Variants in BICDL1 observed in about 807,000 individuals in gnomAD.
The protein encoded by BICDL1 is BICD family-like cargo adapter 1.
A neutral mutation model predicts 76.8 loss-of-function variants in BICDL1; 20 were observed. That is an observed-to-expected ratio of 0.26 (90% confidence interval 0.18 to 0.38). The LOEUF is 0.38. Ranked by LOEUF, BICDL1 falls within the 10% of genes least tolerant of loss-of-function variation. BICDL1 has a pLI of 1.00. For missense variants in BICDL1, 700 were observed against 798.6 expected, an observed-to-expected ratio of 0.88 and a Z score of 1.49; for synonymous variants, 383 against 337.1, an observed-to-expected ratio of 1.14 and a Z score of -1.49.
intron 2 of BICDL1, among the ~76,000 whole-genome samples, chr12:120,031,832 C>G (rs145573190): frequency 8.6e-4 from 131 of 152,284 alleles, no homozygotes; most frequent in African/African-American, 3.1e-3. Flanking sequence ...TGGCTCACAC[C>G]TGTAATCCCA....
intron 8 of BICDL1, among the ~76,000 whole-genome samples, chr12:120,083,629 GTATTTATTTATT>G (rs10566467): frequency 0.027 from 3,869 of 145,172 alleles, 104 homozygotes; most frequent in Middle Eastern, 0.081. Context: ...ATTAATAGTA[GTATTTATTTATT>G]TATTTATTTA....
chr12:119,993,965 A>T (rs879824854), intron 1 of BICDL1, among the ~76,000 whole-genome samples: 1 of 152,158 alleles, frequency 6.6e-6, no homozygotes, highest in Non-Finnish European at 1.5e-5. Context: ...TTTCATCTAC[A>T]ATTAGCCGTT....
In BICDL1 at chr12:120,094,345, G is replaced by A. The variant is rs1356108068; in HGVS notation, c.*1184G>A. 3 of 453,568 alleles carry A rather than the reference G, an allele frequency of 6.6e-6. No homozygotes were observed. Among genetic ancestry groups the A allele is most frequent in the Admixed American group, 4.8e-5 (2 of 41,962 alleles). 28.1% of individuals were successfully genotyped at this position (453,568 alleles called of 1,614,324 possible). A position where few individuals can be genotyped will look rare whatever the true frequency, so the allele number is the denominator to read the frequency against. On this transcript the variant is annotated 3_prime_UTR_variant, in exon 10 of 10. Coordinates refer to ENST00000548673, the MANE Select transcript of BICDL1 (RefSeq NM_001367886.1). Reference sequence around the variant, plus strand: ...GTAGATGTGTACATACCACAGTGCTGTAATTTTGTATGTAGCAATCATGTA... The same window carrying A: ...GTAGATGTGTACATACCACAGTGCTATAATTTTGTATGTAGCAATCATGTA...
chr12:120,057,000 T>G (rs1952988798), intron 2 of BICDL1: 2 of 490,630 alleles, frequency 4.1e-6, no homozygotes, highest in Admixed American at 4.1e-5. Flanking sequence ...AGCCCAGTGG[T>G]CCTCTCGCCC....
At chr12:120,064,281 G>T (rs532789703) in intron 3 of BICDL1, among the ~76,000 whole-genome samples, 1 of 152,244 alleles carries the variant, frequency 6.6e-6, no homozygotes, top group Non-Finnish European at 1.5e-5. Context: ...GGGGAATCCC[G>T]GGGTGTGAAA....
At chr12:120,072,989 G>A (rs1873228981) in intron 6 of BICDL1, among the ~76,000 whole-genome samples, 1 of 152,168 alleles carries the variant, frequency 6.6e-6, no homozygotes. Context: ...TCGTGCCTCA[G>A]CTCCCTGAGT....
chr12:120,017,447 G>A (rs1219311371), intron 2 of BICDL1, among the ~76,000 whole-genome samples: 1 of 152,128 alleles, frequency 6.6e-6, no homozygotes, highest in Admixed American at 6.5e-5. Flanking sequence ...TCTGTAAAAT[G>A]GAGACCTGCC....
chr12:120,050,353 A>G (rs1312967132), intron 2 of BICDL1, among the ~76,000 whole-genome samples: 9 of 145,072 alleles, frequency 6.2e-5, no homozygotes, highest in Admixed American at 1.4e-4. Context: ...TGCAAGCTAC[A>G]CCTCCTGGGT....
chr12:120,006,956 C>A (rs1951861998), intron 2 of BICDL1, among the ~76,000 whole-genome samples: 1 of 151,950 alleles, frequency 6.6e-6, no homozygotes, highest in Non-Finnish European at 1.5e-5. Flanking sequence ...GAAGCGACTC[C>A]CCAGGTAGAG....
chr12:120,009,110 C>T (rs144121366), intron 2 of BICDL1, among the ~76,000 whole-genome samples: 3,520 of 152,148 alleles, frequency 0.023, 143 homozygotes, highest in African/African-American at 0.081. Flanking sequence ...GCCTCAGCGT[C>T]CCGAGTAGCT....
At chr12:120,062,133 C>T (rs774700788) in intron 3 of BICDL1, among the ~76,000 whole-genome samples, 4 of 152,164 alleles carry the variant, frequency 2.6e-5, no homozygotes, top group Non-Finnish European at 5.9e-5. Context: ...TTTCTCTATT[C>T]CATTTAGGCC....
chr12:119,996,818 C>T (rs1322908706), intron 1 of BICDL1, among the ~76,000 whole-genome samples: 1 of 152,158 alleles, frequency 6.6e-6, no homozygotes, highest in East Asian at 1.9e-4. Flanking sequence ...ATCAAAAGTT[C>T]AGGACCATCA....
At chr12:120,017,555 C>G (rs1299135150) in intron 2 of BICDL1, among the ~76,000 whole-genome samples, 1 of 151,942 alleles carries the variant, frequency 6.6e-6, no homozygotes, top group Non-Finnish European at 1.5e-5. Context: ...CATAGCAAGA[C>G]CCGTCTCTGC....
At chr12:120,092,921 G>A in intron 9 of BICDL1, 79 bp from the exon 10 acceptor site, 1 of 1,483,974 alleles carries the variant, frequency 6.7e-7, no homozygotes, top group Non-Finnish European at 9.0e-7. Flanking sequence ...TCTGTCTGAT[G>A]TTCCCACCTC....
chr12:120,037,583 CT>C (rs1218875838), intron 2 of BICDL1, among the ~76,000 whole-genome samples: 1 of 152,002 alleles, frequency 6.6e-6, no homozygotes, highest in Non-Finnish European at 1.5e-5. Flanking sequence ...AACTTTATAC[CT>C]GAAAGCTTCC....
intron 7 of BICDL1, among the ~76,000 whole-genome samples, chr12:120,080,200 G>A (rs533234581): frequency 2.5e-4 from 38 of 152,350 alleles, no homozygotes; most frequent in African/African-American, 8.7e-4. Context: ...GGTCCCTGAC[G>A]GAGCCACTGG....
chr12:119,994,034 G>A (rs755851567), intron 1 of BICDL1, among the ~76,000 whole-genome samples: 4 of 152,204 alleles, frequency 2.6e-5, no homozygotes, highest in Admixed American at 2.6e-4. Context: ...TATGAAGTAA[G>A]ACAGTAACTT....
intron 2 of BICDL1, among the ~76,000 whole-genome samples, chr12:120,014,521 G>A (rs1462759230): frequency 1.3e-5 from 2 of 151,798 alleles, no homozygotes; most frequent in Admixed American, 6.6e-5. Context: ...ATGAAACCCC[G>A]TCTCTACTGA....
At chr12:120,072,845 A>G in intron 6 of BICDL1, 116 bp downstream of exon 6, 1 of 858,238 alleles carries the variant, frequency 1.2e-6, no homozygotes, top group Non-Finnish European at 1.8e-6. Flanking sequence ...AATATCTGCA[A>G]GAATTCTTCT....
Sources: gnomAD v4.1 joint callset for allele counts (sites outside exome capture counted in the v4.1 genomes callset) on GRCh38, gnomAD v4.1.1 for gene constraint, MANE v1.5 for transcripts, NCBI Gene and HGNC (gene_info 2026-07-23, HGNC 2026-07-21) for gene names.